Variants in INTS9 observed in about 807,000 individuals in gnomAD.
INTS9 encodes the protein integrator complex subunit 9, also known as protein related to CPSF subunits of 74 kDa.
In INTS9, 55 loss-of-function variants were observed where a neutral mutation model predicts 79.7. That is an observed-to-expected ratio of 0.69 (90% CI 0.56 to 0.86). The LOEUF is 0.86. Among genes scored for constraint, INTS9 ranks in the 40% least tolerant of loss-of-function variants. INTS9 has a pLI of 0.00. For missense variants in INTS9, 721 were observed against 831.5 expected, an observed-to-expected ratio of 0.87 and a Z score of 1.64; for synonymous variants, 319 against 325.2, an observed-to-expected ratio of 0.98 and a Z score of 0.20.
intron 1 of INTS9, among the ~76,000 whole-genome samples, chr8:28,880,400 A>G (rs1431117028): frequency 6.6e-6 from 1 of 151,506 alleles, no homozygotes; most frequent in East Asian, 1.9e-4. Context: ...CTGCGATTGC[A>G]GGCGCGTGCC....
chr8:28,889,715 T>C (rs1258189286), intron 1 of INTS9, 159 bp downstream of exon 1: 2 of 720,106 alleles, frequency 2.8e-6, no homozygotes, highest in East Asian at 5.8e-5. Flanking sequence ...ATTCAAACCT[T>C]CTCAACAACA....
At chr8:28,773,814 C>T (rs752718250) in intron 14 of INTS9, among the ~76,000 whole-genome samples, 3 of 151,986 alleles carry the variant, frequency 2.0e-5, no homozygotes. Context: ...CATGAGCCAC[C>T]ATGCCCAGCT....
chr8:28,836,837 A>C (rs1016358316), intron 5 of INTS9, among the ~76,000 whole-genome samples: 1 of 152,234 alleles, frequency 6.6e-6, no homozygotes, highest in African/African-American at 2.4e-5. Context: ...TAAAAACAAG[A>C]AAACACATTA....
intron 11 of INTS9, among the ~76,000 whole-genome samples, chr8:28,782,060 T>G (rs1252641871): frequency 9.9e-5 from 15 of 152,176 alleles, no homozygotes; most frequent in Admixed American, 9.8e-4. Flanking sequence ...AAAACTGCTG[T>G]GAAAAGTAAC....
chr8:28,837,462 T>C (rs1325043860), intron 5 of INTS9, among the ~76,000 whole-genome samples, 175 bp downstream of exon 5: 5 of 152,212 alleles, frequency 3.3e-5, no homozygotes. Context: ...CATCAATCCT[T>C]AGGCATTTCC....
intron 8 of INTS9, among the ~76,000 whole-genome samples, chr8:28,808,926 T>C (rs531634480): frequency 6.6e-6 from 1 of 151,954 alleles, no homozygotes; most frequent in Admixed American, 6.6e-5. Flanking sequence ...TGCTCTAACA[T>C]TTAAAGTAGA....
Position 28,815,929 on chromosome 8 carries a change from A to T in INTS9, c.489-2317T>A, listed in dbSNP as rs150681230. Reference sequence around the variant, plus strand: ...ACTGACCCAGAACAATGAACAACAGACATATTCTGGAAAATATTTAGACTA... The same window carrying T: ...ACTGACCCAGAACAATGAACAACAGTCATATTCTGGAAAATATTTAGACTA... On this transcript the variant is annotated intron_variant, in intron 6 of 16. Coordinates refer to ENST00000521022, the MANE Select transcript of INTS9 (RefSeq NM_018250.4). 4.3e-3 allele frequency among the ~76,000 whole-genome samples: 653 copies of T among 152,318 alleles called. 2 individuals carry two copies. The highest frequency in any genetic ancestry group is 6.8e-3 in the Middle Eastern group (2 of 294).
intron 7 of INTS9, among the ~76,000 whole-genome samples, chr8:28,813,207 C>T (rs1350928552): frequency 1.3e-5 from 2 of 152,120 alleles, no homozygotes; most frequent in South Asian, 2.1e-4. Context: ...TCTCTCTTCC[C>T]GTTTCACCCA....
chr8:28,886,533 C>G (rs2131402914), intron 1 of INTS9, among the ~76,000 whole-genome samples: 1 of 152,328 alleles, frequency 6.6e-6, no homozygotes, highest in East Asian at 1.9e-4. Flanking sequence ...AGTCATGAAC[C>G]ACTGCACCTG....
intron 1 of INTS9, among the ~76,000 whole-genome samples, chr8:28,881,290 G>A (rs1296312502): frequency 2.0e-5 from 3 of 146,934 alleles, no homozygotes; most frequent in African/African-American, 2.5e-5. Context: ...CGCCCAGTCC[G>A]GGAGGGAGGT....
intron 6 of INTS9, among the ~76,000 whole-genome samples, chr8:28,821,062 A>G (rs1805799382): frequency 6.6e-6 from 1 of 152,184 alleles, no homozygotes; most frequent in Non-Finnish European, 1.5e-5. Flanking sequence ...GGTTTCTTGG[A>G]GAAATGGGCA....
At chr8:28,828,407 T>A (rs533624452) in intron 6 of INTS9, among the ~76,000 whole-genome samples, 1 of 152,244 alleles carries the variant, frequency 6.6e-6, no homozygotes, top group Non-Finnish European at 1.5e-5. Context: ...GCACCTACTG[T>A]GTGACTGGCA....
At chr8:28,780,609 A>G (rs1803197918) in intron 12 of INTS9, 1 of 985,358 alleles carries the variant, frequency 1.0e-6, no homozygotes, top group Admixed American at 6.1e-5. Context: ...CTGAAAACAC[A>G]GGCATGAAGG....
intron 6 of INTS9, among the ~76,000 whole-genome samples, chr8:28,832,110 C>T (rs1056058813): frequency 1.3e-5 from 2 of 152,156 alleles, no homozygotes; most frequent in Non-Finnish European, 2.9e-5. Context: ...CCAGAGCACA[C>T]ATGTTCCATG....
intron 6 of INTS9, among the ~76,000 whole-genome samples, chr8:28,820,113 C>A (rs1191866586): frequency 6.6e-6 from 1 of 152,144 alleles, no homozygotes; most frequent in East Asian, 1.9e-4. Context: ...TCCAATTTGC[C>A]AGTCTGTGTC....
At chr8:28,881,345 T>G (rs1454917332) in intron 1 of INTS9, among the ~76,000 whole-genome samples, 51 of 83,680 alleles carry the variant, frequency 6.1e-4, no homozygotes, top group South Asian at 8.5e-4. Context: ...GTCCGGGAGG[T>G]GAGGGGCGCC....
intron 1 of INTS9, among the ~76,000 whole-genome samples, chr8:28,868,367 C>G (rs189886486): frequency 2.0e-5 from 3 of 152,256 alleles, no homozygotes; most frequent in African/African-American, 7.2e-5. Flanking sequence ...ATTATCTGTA[C>G]TGTAACCTAT....
At position 28,853,599 on chromosome 8, in the gene INTS9, ATTGT is replaced by A. The variant is rs1563298931; in HGVS notation, c.138-3330_138-3327del. Among the ~76,000 whole-genome samples the A allele has an allele frequency of 2.6e-5, 4 of 152,278 alleles. No homozygotes were observed. In the South Asian group the frequency reaches 6.2e-4, roughly 24 times the overall value. On this transcript the variant is annotated intron_variant, in intron 2 of 16. Coordinates refer to ENST00000521022, the MANE Select transcript of INTS9 (RefSeq NM_018250.4). Reference sequence around the variant, plus strand: ...GTATGAAAGATTTATTTTTAAAGTAATTGTTTATTTTGGAAAAATAGGTAAATTA... The same window carrying A: ...GTATGAAAGATTTATTTTTAAAGTAATTATTTTGGAAAAATAGGTAAATTA...
rs1276182945 is a variant in INTS9, at chr8:28,767,895, C to T, written c.*251G>A. ...AAAACTTCTCCTGTCCCACTTCTGC[C>T]ACCCTCCAGCTCCTTGAGAGAGCCA... On this transcript the variant is annotated 3_prime_UTR_variant, in exon 17 of 17. Coordinates refer to ENST00000521022, the MANE Select transcript of INTS9 (RefSeq NM_018250.4). 2 of 477,678 alleles carry T rather than the reference C, an allele frequency of 4.2e-6. No homozygotes were observed. The highest frequency in any genetic ancestry group is 7.6e-6 in the Non-Finnish European group (2 of 262,352). The allele number at this position is 477,678 out of a possible 1,614,324, so 29.6% of individuals were successfully genotyped here. A position where few individuals can be genotyped will look rare whatever the true frequency, so the allele number is the denominator to read the frequency against.
Sources: allele counts gnomAD v4.1 joint callset (sites outside exome capture counted in the v4.1 genomes callset), GRCh38; gene constraint gnomAD v4.1.1; transcripts MANE v1.5; gene names NCBI Gene and HGNC (gene_info 2026-07-23, HGNC 2026-07-21).